EVI5: variants seen among roughly 807,000 people sequenced by gnomAD.
EVI5 encodes ecotropic viral integration site 5.
In EVI5, 73 loss-of-function variants were observed where a neutral mutation model predicts 112.0. That is an observed-to-expected ratio of 0.65 (90% CI 0.54 to 0.79). The LOEUF (loss-of-function observed/expected upper bound fraction) is 0.79, where lower values mean the gene tolerates loss of function less well. Among genes scored for constraint, EVI5 ranks in the 30% least tolerant of loss-of-function variants. EVI5 has a pLI of 0.00. For synonymous variants in EVI5, 305 were observed against 319.9 expected (o/e 0.95, Z 0.50); for missense variants, 900 against 968.8 (o/e 0.93, Z 0.94).
intron 19 of EVI5, among the ~76,000 whole-genome samples, chr1:92,561,603 T>TGTATC (rs1338762237): frequency 1.3e-3 from 180 of 136,846 alleles, no homozygotes; most frequent in African/African-American, 2.3e-3. Flanking sequence ...ATCTATCTAA[T>TGTATC]CTATCCTATC....
At chr1:92,755,422 G>A (rs920016876) in intron 1 of EVI5, among the ~76,000 whole-genome samples, 2 of 151,774 alleles carry the variant, frequency 1.3e-5, no homozygotes, top group Non-Finnish European at 2.9e-5. Flanking sequence ...AAAACAAAAC[G>A]AACAAACCAA....
chr1:92,513,980 C>A lies in EVI5; in HGVS notation c.2167-10G>T. On this transcript the variant is annotated splice_polypyrimidine_tract_variant and intron_variant, in intron 19 of 19. Coordinates refer to ENST00000684568, the MANE Select transcript of EVI5 (RefSeq NM_001350197.2). ...CTTTTAGGCACCTGAGCTGTTAAAACAAAATCCAAGTTAATACAGTCAAAT... is the reference window on the plus strand; with the variant it reads ...CTTTTAGGCACCTGAGCTGTTAAAAAAAAATCCAAGTTAATACAGTCAAAT... 1 of 1,518,668 alleles carries A rather than the reference C, an allele frequency of 6.6e-7. No homozygotes were observed. The highest frequency in any genetic ancestry group is 8.9e-7 in the Non-Finnish European group (1 of 1,127,636). The allele number at this position is 1,518,668 out of a possible 1,614,324, so 94.1% of individuals were successfully genotyped here. A position where few individuals can be genotyped will look rare whatever the true frequency, so the allele number is the denominator to read the frequency against.
chr1:92,778,336 T>C (rs1684423994), intron 1 of EVI5, among the ~76,000 whole-genome samples: 1 of 152,128 alleles, frequency 6.6e-6, no homozygotes, highest in Non-Finnish European at 1.5e-5. Context: ...AAGGAGCAAG[T>C]GAATGCTGAA....
chr1:92,722,722 A>T (rs1050535155), intron 2 of EVI5, among the ~76,000 whole-genome samples: 9 of 152,114 alleles, frequency 5.9e-5, no homozygotes, highest in Non-Finnish European at 1.3e-4. Context: ...ATTTCATCTT[A>T]TCCAAGAAAC....
chr1:92,764,060 G>A (rs1682267978), intron 1 of EVI5, among the ~76,000 whole-genome samples: 1 of 152,058 alleles, frequency 6.6e-6, no homozygotes, highest in Admixed American at 6.6e-5. Flanking sequence ...TCAGGTTTGT[G>A]GTTAATTTTT....
intron 16 of EVI5, among the ~76,000 whole-genome samples, chr1:92,618,434 A>T (rs1653724783): frequency 6.6e-6 from 1 of 152,224 alleles, no homozygotes; most frequent in African/African-American, 2.4e-5. Flanking sequence ...AGGGAATTAC[A>T]GTGTTGGCTG....
At chr1:92,757,277 G>A (rs546972616) in intron 1 of EVI5, among the ~76,000 whole-genome samples, 4 of 152,284 alleles carry the variant, frequency 2.6e-5, no homozygotes, top group East Asian at 3.9e-4. Context: ...CCAATTTGCC[G>A]TTTTGAGATT....
At chr1:92,628,724 G>A (rs1656237470) in intron 14 of EVI5, among the ~76,000 whole-genome samples, 1 of 152,158 alleles carries the variant, frequency 6.6e-6, no homozygotes, top group Non-Finnish European at 1.5e-5. Flanking sequence ...AGGTAACACT[G>A]AGATTTCAAG....
intron 14 of EVI5, among the ~76,000 whole-genome samples, chr1:92,629,115 A>C (rs1350172825): frequency 6.6e-6 from 1 of 152,246 alleles, no homozygotes; most frequent in Non-Finnish European, 1.5e-5. Context: ...CATGTAACCC[A>C]GAATACGCCT....
At chr1:92,536,232 G>C (rs1663862591) in intron 19 of EVI5, among the ~76,000 whole-genome samples, 1 of 152,110 alleles carries the variant, frequency 6.6e-6, no homozygotes, top group African/African-American at 2.4e-5. Context: ...AAAGAGATCG[G>C]ATTTTAGAAT....
intron 14 of EVI5, among the ~76,000 whole-genome samples, chr1:92,627,976 G>C (rs771353899): frequency 9.9e-5 from 15 of 151,970 alleles, no homozygotes; most frequent in Non-Finnish European, 1.5e-4. Context: ...TTTTAGTAGA[G>C]ACAAGGTTTC....
chr1:92,704,696 T>G lies in EVI5; in HGVS notation c.198A>C (p.Arg66Ser), dbSNP rs1671707580. Reference protein sequence around the residue: ...SKSLRSVNGSRRNSGSSLVSS... With the variant: ...SKSLRSVNGSSRNSGSSLVSS... ...ACACAAGAGAAGAGCCACTGTTTCT[T>G]CTTGACCCATTTACAGATCTTAAAG... The change falls in exon 3 of 20, where the codon AGA becomes AGC. Residue 66 changes from arginine to serine, a missense_variant. Physicochemically the swap from Arg to Ser is moderately radical, Grantham distance 110. Coordinates refer to ENST00000684568, the MANE Select transcript of EVI5 (RefSeq NM_001350197.2). 6.3e-7 allele frequency: 1 copy of G among 1,598,538 alleles called. No homozygotes were observed. Among genetic ancestry groups the G allele is most frequent in the African/African-American group, 1.3e-5 (1 of 74,496 alleles).
intron 18 of EVI5, among the ~76,000 whole-genome samples, chr1:92,589,176 C>G (rs549028387): frequency 6.6e-6 from 1 of 152,202 alleles, no homozygotes; most frequent in Admixed American, 6.5e-5. Flanking sequence ...CAGTCTACAG[C>G]TCCCAGCGTG....
chr1:92,738,209 T>C (rs1314205582), intron 1 of EVI5, among the ~76,000 whole-genome samples: 1 of 152,154 alleles, frequency 6.6e-6, no homozygotes, highest in African/African-American at 2.4e-5. Context: ...GAAGCCATAG[T>C]AGGCACTAAG....
chr1:92,620,879 C>T (rs190879323), intron 16 of EVI5, among the ~76,000 whole-genome samples: 48 of 152,112 alleles, frequency 3.2e-4, no homozygotes, highest in Admixed American at 2.6e-3. Context: ...AACTTTAATG[C>T]AAAATTAGTA....
At chr1:92,704,085 A>G (rs1036349767) in intron 3 of EVI5, among the ~76,000 whole-genome samples, 1 of 152,086 alleles carries the variant, frequency 6.6e-6, no homozygotes, top group African/African-American at 2.4e-5. Context: ...GGAGGTAGGA[A>G]GACTGCTTGA....
rs370203458 is a variant in EVI5, at chr1:92,715,256, G to A, written c.150-10512C>T. Among the ~76,000 whole-genome samples the A allele has an allele frequency of 2.1e-3, 316 of 151,868 alleles. 2 individuals are homozygous for A. The highest frequency in any genetic ancestry group is 6.8e-3 in the Middle Eastern group (2 of 292). ...ACTCCTGACCTCAGGTGATCCACCC[G>A]CCTCGGCCTCCCAAAGTGCTGGGAT... On this transcript the variant is annotated intron_variant, in intron 2 of 19. Coordinates refer to ENST00000684568, the MANE Select transcript of EVI5 (RefSeq NM_001350197.2).
chr1:92,651,578 G>A (rs527638909), intron 13 of EVI5, among the ~76,000 whole-genome samples: 7 of 152,278 alleles, frequency 4.6e-5, no homozygotes, highest in Admixed American at 2.0e-4. Flanking sequence ...GGGGCCGGGC[G>A]CAGTGGCTCA....
At position 92,696,643 on chromosome 1, in the gene EVI5, G is replaced by GAA. The variant is rs35579313; in HGVS notation, c.766-1192_766-1191dup. Among the ~76,000 whole-genome samples, 13 of 136,120 alleles carry GAA rather than the reference G, an allele frequency of 9.6e-5. 1 individual carries two copies. The South Asian group carries it at 2.7e-3, about 29-fold the overall frequency. 89.3% of individuals were successfully genotyped at this position (136,120 alleles called of 152,430 possible). ...CAGAGCTAGATAGACTCTGTCTCAG[G>GAA]AAAAAAAAAAAAATCATCTCAAAAC... On this transcript the variant is annotated intron_variant, in intron 6 of 19. Transcript: ENST00000684568.
Sources: allele counts gnomAD v4.1 joint callset (sites outside exome capture counted in the v4.1 genomes callset), GRCh38; gene constraint gnomAD v4.1.1; transcripts MANE v1.5; gene names NCBI Gene and HGNC (gene_info 2026-07-23, HGNC 2026-07-21).